The following SRGAP2C variants were observed in gnomAD, a reference collection of about 807,000 sequenced individuals.
The protein encoded by SRGAP2C is SLIT-ROBO Rho GTPase-activating protein 2C.
SRGAP2C carries 15 observed loss-of-function variants against 25.1 expected under a neutral mutation model. The ratio of observed to expected loss-of-function variants is 0.60; its 90% CI spans 0.40 to 0.92. SRGAP2C has a LOEUF of 0.92. SRGAP2C is among the 40% of genes least tolerant of loss of function. The probability of loss-of-function intolerance (pLI) is 0.00; values close to 1 mark genes in which losing one functional copy is unlikely to be tolerated. For missense variants in SRGAP2C, 144 were observed against 264.4 expected (o/e 0.54, Z 3.16); for synonymous variants, 44 against 96.6 (o/e 0.46, Z 3.19).
rs587625118 is a variant in SRGAP2C, at chr1:121,269,850, A to G, written c.68-14953A>G. Among the ~76,000 whole-genome samples, 729 of 147,638 alleles carry G rather than the reference A, an allele frequency of 4.9e-3. 14 individuals are homozygous for G. Among genetic ancestry groups the G allele is most frequent in the Middle Eastern group, 0.011 (3 of 282 alleles). ...TATTTTTAAAGACATTTTTAGTTAT[A>G]TCTTCACTTTAGATGATTGTCTGGA... is the stretch of plus-strand genomic sequence containing the variant. On this transcript the variant is annotated intron_variant, in intron 2 of 9. Coordinates refer to ENST00000367123, the MANE Select transcript of SRGAP2C (RefSeq NM_001329984.2).
intron 2 of SRGAP2C, among the ~76,000 whole-genome samples, chr1:121,206,462 C>A (rs1471913392): frequency 6.6e-6 from 1 of 152,152 alleles, no homozygotes; most frequent in Non-Finnish European, 1.5e-5. Flanking sequence ...ACTGGGGCAA[C>A]AAAGATCAGT....
intron 2 of SRGAP2C, among the ~76,000 whole-genome samples, chr1:121,196,305 AGAAAG>A (rs1654830208): frequency 1.4e-5 from 1 of 74,000 alleles, no homozygotes; most frequent in Admixed American, 1.3e-4. Context: ...AAAAAAGAAA[AGAAAG>A]AAAGAAATCT....
intron 2 of SRGAP2C, among the ~76,000 whole-genome samples, chr1:121,195,781 TA>T (rs1350754466): frequency 6.8e-6 from 1 of 147,286 alleles, no homozygotes; most frequent in Non-Finnish European, 1.5e-5. Flanking sequence ...ATTTACCACT[TA>T]CTAAGCATTA....
chr1:121,239,611 T>C (rs1656075117), intron 2 of SRGAP2C, among the ~76,000 whole-genome samples: 1 of 139,482 alleles, frequency 7.2e-6, no homozygotes, highest in Non-Finnish European at 1.5e-5. Flanking sequence ...TAATAGTCAG[T>C]TGAGGGTGGA....
intron 2 of SRGAP2C, among the ~76,000 whole-genome samples, chr1:121,270,773 C>A: frequency 1.4e-5 from 2 of 142,636 alleles, no homozygotes; most frequent in African/African-American, 2.7e-5. Context: ...TTGAATATTT[C>A]AATATTTAAG....
At chr1:121,201,580 C>T (rs1293832776) in intron 2 of SRGAP2C, among the ~76,000 whole-genome samples, 1 of 152,256 alleles carries the variant, frequency 6.6e-6, no homozygotes, top group Admixed American at 6.5e-5. Context: ...CACACTTAGG[C>T]ATGCGCGTGT....
chr1:121,314,861 T>G, intron 3 of SRGAP2C: 1 of 546,692 alleles, frequency 1.8e-6, no homozygotes, highest in Non-Finnish European at 3.4e-6. Context: ...TCACCCGTCT[T>G]CTGTGTCGCT....
chr1:121,385,942 A>G (rs1659950793), intron 8 of SRGAP2C, among the ~76,000 whole-genome samples: 1 of 150,432 alleles, frequency 6.6e-6, no homozygotes, highest in African/African-American at 2.5e-5. Context: ...GAAAATGCCA[A>G]GCTCCTTCAG....
intron 2 of SRGAP2C, among the ~76,000 whole-genome samples, chr1:121,224,736 A>T (rs1351361523): frequency 2.7e-5 from 4 of 150,696 alleles, no homozygotes; most frequent in Non-Finnish European, 5.9e-5. Context: ...CTGTTTGTAG[A>T]CTGGACAGGG....
intron 2 of SRGAP2C, among the ~76,000 whole-genome samples, chr1:121,277,995 T>C (rs1657145697): frequency 1.4e-5 from 2 of 146,944 alleles, no homozygotes; most frequent in Non-Finnish European, 3.0e-5. Context: ...GGCTGGAGTA[T>C]AGTGGCACAA....
chr1:121,218,990 C>T (rs1413701647), intron 2 of SRGAP2C, among the ~76,000 whole-genome samples: 1 of 152,200 alleles, frequency 6.6e-6, no homozygotes, highest in Non-Finnish European at 1.5e-5. Context: ...TTACTGTTGT[C>T]TTGCCCATAT....
At chr1:121,273,761 G>C (rs2101552315) in intron 2 of SRGAP2C, among the ~76,000 whole-genome samples, 1 of 151,960 alleles carries the variant, frequency 6.6e-6, no homozygotes, top group South Asian at 2.1e-4. Context: ...GTCAAAGTTT[G>C]ATTCTTGGAG....
intron 2 of SRGAP2C, among the ~76,000 whole-genome samples, chr1:121,199,703 G>A (rs1163297181): frequency 7.5e-6 from 1 of 133,802 alleles, no homozygotes; most frequent in Non-Finnish European, 1.6e-5. Flanking sequence ...CCTGAGGCAG[G>A]AGAATTGCTT....
chr1:121,299,263 TA>T (rs1463133186), intron 3 of SRGAP2C, among the ~76,000 whole-genome samples: 6 of 148,998 alleles, frequency 4.0e-5, no homozygotes, highest in Non-Finnish European at 8.9e-5. Flanking sequence ...TTAATTGAAG[TA>T]AAGACTTTAA....
At chr1:121,187,996 A>G (rs1654564955) in intron 2 of SRGAP2C, among the ~76,000 whole-genome samples, 1 of 152,144 alleles carries the variant, frequency 6.6e-6, no homozygotes, top group Non-Finnish European at 1.5e-5. Context: ...GCACTATATT[A>G]AAACATGAGA....
chr1:121,273,994 A>C (rs1657041921), intron 2 of SRGAP2C, among the ~76,000 whole-genome samples: 2 of 151,346 alleles, frequency 1.3e-5, no homozygotes, highest in African/African-American at 4.8e-5. Flanking sequence ...GCAGCAAGGT[A>C]GTTGTGTTCA....
chr1:121,212,434 A>G (rs1553323998), intron 2 of SRGAP2C, among the ~76,000 whole-genome samples: 1 of 152,094 alleles, frequency 6.6e-6, no homozygotes, highest in African/African-American at 2.4e-5. Flanking sequence ...CCAGCCCAGA[A>G]TGGTATTCTT....
At chr1:121,274,102 AT>A (rs587755512) in intron 2 of SRGAP2C, among the ~76,000 whole-genome samples, 1 of 148,292 alleles carries the variant, frequency 6.7e-6, no homozygotes, top group African/African-American at 2.5e-5. Flanking sequence ...TTGCTGTCTT[AT>A]TTAAATACTC....
chr1:121,385,170 G>T (rs1306611412), intron 8 of SRGAP2C, among the ~76,000 whole-genome samples: 2 of 141,162 alleles, frequency 1.4e-5, no homozygotes, highest in Non-Finnish European at 3.1e-5. Context: ...AGATTGGGTA[G>T]CATTTTGACC....
Sources: gnomAD v4.1 joint callset for allele counts (sites outside exome capture counted in the v4.1 genomes callset) on GRCh38, gnomAD v4.1.1 for gene constraint, MANE v1.5 for transcripts, NCBI Gene and HGNC (gene_info 2026-07-23, HGNC 2026-07-21) for gene names.